PIGB: variants seen among roughly 807,000 people sequenced by gnomAD.
PIGB encodes phosphatidylinositol glycan anchor biosynthesis class B, also known as GPI alpha-1,2-mannosyltransferase 3.
Under a neutral mutation model 68.4 loss-of-function variants are expected in PIGB, and 58 were observed. The observed-to-expected ratio is 0.85, with a 90% CI of 0.69 to 1.06. PIGB has a LOEUF of 1.06. Among genes scored for constraint, PIGB ranks in the 50% least tolerant of loss-of-function variants. The pLI is 0.00. For missense variants in PIGB, 634 were observed against 655.8 expected (o/e 0.97, Z 0.36); for synonymous variants, 219 against 220.5 (o/e 0.99, Z 0.06).
intron 9 of PIGB, chr15:55,346,279 GAGT>G (rs1156631920): frequency 6.6e-6 from 1 of 152,180 alleles, no homozygotes; most frequent in African/African-American, 2.4e-5. Context: ...TTATCCTGAA[GAGT>G]AGTCAACTGA....
intron 10 of PIGB, among the ~76,000 whole-genome samples, chr15:55,354,017 A>C (rs2056001800): frequency 8.0e-6 from 1 of 125,106 alleles, no homozygotes; most frequent in Admixed American, 7.4e-5. Context: ...AAAACACTTC[A>C]AACTTGCCAT....
intron 6 of PIGB, among the ~76,000 whole-genome samples, chr15:55,334,486 T>C (rs1013213273): frequency 1.3e-5 from 2 of 152,166 alleles, no homozygotes; most frequent in African/African-American, 4.8e-5. Context: ...CCACATCTTC[T>C]AACTACACTA....
At chr15:55,327,264 T>G (rs1446969399) in intron 3 of PIGB, among the ~76,000 whole-genome samples, 3 of 148,616 alleles carry the variant, frequency 2.0e-5, no homozygotes, top group Non-Finnish European at 4.5e-5. Flanking sequence ...ATAACATATG[T>G]GTATATATGT....
At chr15:55,349,421 CTCTCA>C (rs2141216283) in intron 9 of PIGB, 1 of 152,130 alleles carries the variant, frequency 6.6e-6, no homozygotes, top group African/African-American at 2.4e-5. Context: ...TCAAGCAATC[CTCTCA>C]TCTCAGCTAT....
intron 2 of PIGB, 86 bp from the exon 3 acceptor site, chr15:55,321,187 A>C: frequency 8.0e-7 from 1 of 1,253,718 alleles, no homozygotes; most frequent in Non-Finnish European, 1.1e-6. Context: ...CAGCCTGGGC[A>C]AGAGAGTGAG....
At chr15:55,320,080 A>G (rs2055128225) in intron 1 of PIGB, 195 bp from the exon 2 acceptor site, 1 of 427,508 alleles carries the variant, frequency 2.3e-6, no homozygotes, top group African/African-American at 2.0e-5. Flanking sequence ...GGTTAAACTA[A>G]AAGAGTGGCA....
At chr15:55,326,447 A>C (rs2141170278) in intron 3 of PIGB, among the ~76,000 whole-genome samples, 1 of 152,190 alleles carries the variant, frequency 6.6e-6, no homozygotes, top group Middle Eastern at 3.4e-3. Context: ...ACAGTTCTTG[A>C]CTCAGAAGAT....
chr15:55,331,324 A>T (rs1236013301), intron 5 of PIGB, among the ~76,000 whole-genome samples: 1 of 152,208 alleles, frequency 6.6e-6, no homozygotes, highest in African/African-American at 2.4e-5. Context: ...CACATGGTAC[A>T]AAAGGACTGC....
At chr15:55,349,197 T>A (rs2055870510) in intron 9 of PIGB, among the ~76,000 whole-genome samples, 1 of 151,946 alleles carries the variant, frequency 6.6e-6, no homozygotes, top group African/African-American at 2.4e-5. Flanking sequence ...TTTATTCATT[T>A]TTATTTTCGT....
intron 6 of PIGB, 112 bp from the exon 7 acceptor site, chr15:55,339,155 G>A: frequency 5.6e-6 from 4 of 720,628 alleles, no homozygotes; most frequent in Non-Finnish European, 7.2e-6. Flanking sequence ...TGGTGAAACT[G>A]TAAAGCATTT....
intron 6 of PIGB, among the ~76,000 whole-genome samples, chr15:55,336,715 C>A (rs1566953092): frequency 1.3e-5 from 2 of 152,184 alleles, no homozygotes; most frequent in African/African-American, 4.8e-5. Context: ...TGGTTGGGCA[C>A]GATGGCTCAC....
At chr15:55,331,874 A>C (rs2055423595) in intron 5 of PIGB, among the ~76,000 whole-genome samples, 1 of 152,078 alleles carries the variant, frequency 6.6e-6, no homozygotes, top group African/African-American at 2.4e-5. Context: ...CAAAATCTGG[A>C]TTTCAACTTT....
chr15:55,335,891 G>C (rs1435092940), intron 6 of PIGB, among the ~76,000 whole-genome samples: 1 of 152,144 alleles, frequency 6.6e-6, no homozygotes, highest in African/African-American at 2.4e-5. Flanking sequence ...CTTTACCACT[G>C]AGGGAGATAG....
chr15:55,321,333 C>T lies in PIGB; in HGVS notation c.360C>T (p.Ile120=). 1.2e-6 allele frequency: 2 copies of T among 1,607,930 alleles called. No individual in the cohort carries two copies. The highest frequency in any genetic ancestry group is 1.7e-6 in the Non-Finnish European group (2 of 1,176,120). ...TGAGGAGTTACACTTATCCCTTAAT[C>T]TTTGCAAGCATTTACAAGATTCTTC... is the stretch of plus-strand genomic sequence containing the variant. ...ERLRSYTYPL[I]FASIYKILHL... The change falls in exon 3 of 12, where the codon ATC becomes ATT. Residue 120 remains isoleucine, a synonymous_variant. Transcript: ENST00000164305.
At chr15:55,350,588 T>C in intron 9 of PIGB, 111 bp from the exon 10 acceptor site, 1 of 719,208 alleles carries the variant, frequency 1.4e-6, no homozygotes, top group Non-Finnish European at 2.4e-6. Context: ...CTTATTTGTC[T>C]ATAACAGTAT....
At chr15:55,344,388 G>A (rs1027197828) in intron 9 of PIGB, among the ~76,000 whole-genome samples, 6 of 152,282 alleles carry the variant, frequency 3.9e-5, no homozygotes, top group Non-Finnish European at 7.3e-5. Flanking sequence ...GGTTCCAAGA[G>A]AGGGAGCAAA....
chr15:55,350,375 C>G (rs916796844), intron 9 of PIGB: 1 of 277,600 alleles, frequency 3.6e-6, no homozygotes, highest in Non-Finnish European at 6.7e-6. Context: ...GACATTTTTT[C>G]TAACACTTGA....
rs765092541 is a variant in PIGB, at chr15:55,333,904, A to G, written c.691A>G (p.Ile231Val). ...YSSLVALAFI[I>V]RPTAVILWTP... is the part of the protein sequence containing the mutation. Reference sequence around the variant, plus strand: ...ATCCCTGGTGGCACTTGCCTTCATAATTCGTCCCACAGCTGTCATTCTGTG... The same window carrying G: ...ATCCCTGGTGGCACTTGCCTTCATAGTTCGTCCCACAGCTGTCATTCTGTG... The change falls in exon 6 of 12, where the codon ATT (isoleucine) becomes GTT (valine). Residue 231 changes from isoleucine (I) to valine (V), a missense_variant. By Grantham distance (29) the Ile-to-Val change is conservative. Transcript: ENST00000164305. 3.7e-6 allele frequency: 6 copies of G among 1,608,052 alleles called. No individual in the cohort carries two copies. The South Asian group carries it at 4.5e-5, about 12-fold the overall frequency.
chr15:55,335,396 T>G (rs978261145), intron 6 of PIGB, among the ~76,000 whole-genome samples: 3 of 152,348 alleles, frequency 2.0e-5, no homozygotes, highest in Admixed American at 6.5e-5. Flanking sequence ...TATTCATTCA[T>G]TCAGGAATTA....
Sources: allele counts gnomAD v4.1 joint callset (sites outside exome capture counted in the v4.1 genomes callset), GRCh38; gene constraint gnomAD v4.1.1; transcripts MANE v1.5; gene names NCBI Gene and HGNC (gene_info 2026-07-23, HGNC 2026-07-21).